The following ZNF804B variants were observed in gnomAD, a reference collection of about 807,000 sequenced individuals.
The protein encoded by ZNF804B is zinc finger 804B.
ZNF804B carries 80 observed loss-of-function variants against 101.4 expected under a neutral mutation model. That is an observed-to-expected ratio of 0.79 (90% confidence interval 0.66 to 0.95). The LOEUF (loss-of-function observed/expected upper bound fraction) is 0.95, where lower values mean the gene tolerates loss of function less well. Ranked by LOEUF, ZNF804B falls within the 40% of genes least tolerant of loss-of-function variation. ZNF804B has a pLI of 0.00. For synonymous variants in ZNF804B, 622 were observed against 558.8 expected (o/e 1.11, Z -1.59); for missense variants, 1,673 against 1,561.9 (o/e 1.07, Z -1.20).
At chr7:88,889,229 T>A (rs939933969) in intron 1 of ZNF804B, among the ~76,000 whole-genome samples, 1 of 152,180 alleles carries the variant, frequency 6.6e-6, no homozygotes, top group Non-Finnish European at 1.5e-5. Flanking sequence ...TTTTTGTTAT[T>A]GTGAATTGTG....
intron 2 of ZNF804B, among the ~76,000 whole-genome samples, chr7:89,269,817 A>T (rs1002183366): frequency 1.3e-5 from 2 of 152,150 alleles, no homozygotes; most frequent in African/African-American, 4.8e-5. Flanking sequence ...ATGGCCGGTG[A>T]TGATGAGTAA....
chr7:89,295,048 A>C (rs902883802), intron 2 of ZNF804B, among the ~76,000 whole-genome samples: 1 of 152,150 alleles, frequency 6.6e-6, no homozygotes, highest in South Asian at 2.1e-4. Flanking sequence ...TAATTTTTGT[A>C]TTTGAGAATT....
At chr7:88,916,794 A>C (rs993207916) in intron 1 of ZNF804B, among the ~76,000 whole-genome samples, 1 of 152,152 alleles carries the variant, frequency 6.6e-6, no homozygotes, top group Non-Finnish European at 1.5e-5. Flanking sequence ...ATAAATCCCC[A>C]ATATCTATCT....
chr7:88,932,636 A>G (rs181130948), intron 1 of ZNF804B, among the ~76,000 whole-genome samples: 1 of 151,932 alleles, frequency 6.6e-6, no homozygotes, highest in African/African-American at 2.4e-5. Context: ...CACACAAACT[A>G]AAAAATCTAG....
chr7:89,336,877 C>G lies in ZNF804B; in HGVS notation c.3895C>G (p.His1299Asp). Reference sequence around the variant, plus strand: ...ATTTATTCCTACATTGTTTGGTCCTCACTTAAATCCAGCCACAACTTCTAT... The same window carrying G: ...ATTTATTCCTACATTGTTTGGTCCTGACTTAAATCCAGCCACAACTTCTAT... ...TAFIPTLFGP[H>D]LNPATTSIIH... The change falls in exon 4 of 4, where the codon CAC (histidine) becomes GAC (aspartate). Residue 1299 changes from histidine to aspartate, a missense_variant. His to Asp is a moderately conservative substitution (Grantham distance 81, BLOSUM62 -1). Coordinates refer to ENST00000333190, the MANE Select transcript of ZNF804B (RefSeq NM_181646.5). 1.2e-6 allele frequency: 2 copies of G among 1,614,128 alleles called. No homozygotes were observed. Among genetic ancestry groups the G allele is most frequent in the South Asian group, 1.1e-5 (1 of 91,086 alleles).
intron 1 of ZNF804B, among the ~76,000 whole-genome samples, chr7:89,021,676 C>T (rs1282168704): frequency 6.6e-6 from 1 of 152,110 alleles, no homozygotes; most frequent in East Asian, 1.9e-4. Context: ...CTGTGTAGGA[C>T]AGGAGTCAGT....
intron 1 of ZNF804B, among the ~76,000 whole-genome samples, chr7:89,206,196 T>G (rs1788711721): frequency 1.3e-5 from 2 of 152,140 alleles, no homozygotes; most frequent in Non-Finnish European, 2.9e-5. Flanking sequence ...CATTTTTCCC[T>G]CCTAGGTCTT....
chr7:89,089,413 A>G (rs1424575089), intron 1 of ZNF804B, among the ~76,000 whole-genome samples: 2 of 152,044 alleles, frequency 1.3e-5, no homozygotes, highest in Non-Finnish European at 2.9e-5. Context: ...ATGTGTAAGT[A>G]TATAATGTTT....
At chr7:89,077,010 A>G (rs962683453) in intron 1 of ZNF804B, among the ~76,000 whole-genome samples, 1 of 152,036 alleles carries the variant, frequency 6.6e-6, no homozygotes, top group Admixed American at 6.6e-5. Context: ...ATTCGGTGAC[A>G]TAATCTGCAG....
At chr7:88,854,537 T>TTCCTTCCCTTCCCTTCCCTTC (rs774304273) in intron 1 of ZNF804B, among the ~76,000 whole-genome samples, 16 of 95,138 alleles carry the variant, frequency 1.7e-4, no homozygotes, top group South Asian at 9.3e-4. Flanking sequence ...TTTCCTTCCT[T>TTCCTTCCCTTCCCTTCCCTTC]CCTTCCTTCC....
At chr7:88,916,385 A>T (rs945671420) in intron 1 of ZNF804B, among the ~76,000 whole-genome samples, 1 of 152,094 alleles carries the variant, frequency 6.6e-6, no homozygotes, top group African/African-American at 2.4e-5. Flanking sequence ...AGATTCTTGT[A>T]TATTAAAATC....
rs1013529108 is a variant in ZNF804B, at chr7:88,894,505, C to T, written c.108+134421C>T. On this transcript the variant is annotated intron_variant, in intron 1 of 3. Coordinates refer to ENST00000333190, the MANE Select transcript of ZNF804B (RefSeq NM_181646.5). ...GGGATTACAGATGTGAGCCACCGCCCCTGGCCCAATCATACGCTATTAATA... is the reference window on the plus strand; with the variant it reads ...GGGATTACAGATGTGAGCCACCGCCTCTGGCCCAATCATACGCTATTAATA... Among the ~76,000 whole-genome samples the T allele has an allele frequency of 3.3e-5, 5 of 152,068 alleles. No individual in the cohort carries two copies. The East Asian group carries it at 9.6e-4, about 29-fold the overall frequency.
At chr7:88,837,119 A>T (rs1478917152) in intron 1 of ZNF804B, among the ~76,000 whole-genome samples, 1 of 151,910 alleles carries the variant, frequency 6.6e-6, no homozygotes, top group African/African-American at 2.4e-5. Context: ...TGTCCAATTG[A>T]TTGAGTTGAG....
chr7:88,949,607 A>G (rs1005990541), intron 1 of ZNF804B, among the ~76,000 whole-genome samples: 3 of 151,896 alleles, frequency 2.0e-5, no homozygotes, highest in Non-Finnish European at 4.4e-5. Flanking sequence ...TTGCAGCTCT[A>G]TTGACCAATT....
At position 89,033,966 on chromosome 7, in the gene ZNF804B, C is replaced by T. The variant is rs1788883065; in HGVS notation, c.109-184189C>T. Among the ~76,000 whole-genome samples the T allele has an allele frequency of 1.3e-5, 2 of 151,924 alleles. 1 individual carries two copies. Among genetic ancestry groups the T allele is most frequent in the African/African-American group, 4.8e-5 (2 of 41,398 alleles). The stretch of plus-strand genomic sequence containing the variant: ...TAGTGTAGCATCAACATTTACAATA[C>T]AAGTTTCATTGTTCCTTTTTAAACA... On this transcript the variant is annotated intron_variant, in intron 1 of 3. Coordinates refer to ENST00000333190, the MANE Select transcript of ZNF804B (RefSeq NM_181646.5).
chr7:89,168,774 C>T (rs1791180362), intron 1 of ZNF804B, among the ~76,000 whole-genome samples: 1 of 138,466 alleles, frequency 7.2e-6, no homozygotes, highest in African/African-American at 2.7e-5. Context: ...TATCCTTATT[C>T]ATCAACAATA....
intron 1 of ZNF804B, among the ~76,000 whole-genome samples, chr7:89,025,574 A>C (rs1334585641): frequency 6.6e-6 from 1 of 152,166 alleles, no homozygotes; most frequent in Non-Finnish European, 1.5e-5. Context: ...CAAACTTATT[A>C]TATGTTATCT....
At chr7:88,812,668 A>C (rs1229176595) in intron 1 of ZNF804B, among the ~76,000 whole-genome samples, 1 of 152,214 alleles carries the variant, frequency 6.6e-6, no homozygotes, top group African/African-American at 2.4e-5. Context: ...ATGTATATAT[A>C]TGTACATGTG....
chr7:89,332,716 A>G (rs1160041743), intron 3 of ZNF804B, among the ~76,000 whole-genome samples: 4 of 151,914 alleles, frequency 2.6e-5, no homozygotes, highest in Non-Finnish European at 2.9e-5. Flanking sequence ...GGTAGAAAAA[A>G]TATTTTGGTG....
Sources: allele counts gnomAD v4.1 joint callset (sites outside exome capture counted in the v4.1 genomes callset), GRCh38; gene constraint gnomAD v4.1.1; transcripts MANE v1.5; gene names NCBI Gene and HGNC (gene_info 2026-07-23, HGNC 2026-07-21).